Variants in TRMT44 observed in about 807,000 individuals in gnomAD.
TRMT44 encodes probable tRNA (uracil-O(2)-)-methyltransferase.
A neutral mutation model predicts 77.3 loss-of-function variants in TRMT44; 78 were observed. That is an observed-to-expected ratio of 1.01 (90% confidence interval 0.84 to 1.22). TRMT44 has a LOEUF of 1.22. Among genes scored for constraint, TRMT44 ranks in the 50% most tolerant of loss-of-function variants. The probability of loss-of-function intolerance (pLI) is 0.00; values close to 1 mark genes in which losing one functional copy is unlikely to be tolerated. For synonymous variants in TRMT44, 391 were observed against 383.3 expected, an observed-to-expected ratio of 1.02 and a Z score of -0.23; for missense variants, 1,090 against 964.4, an observed-to-expected ratio of 1.13 and a Z score of -1.73.
At position 8,467,901 on chromosome 4, in the gene TRMT44, T is replaced by TA. The variant is rs1239501276; in HGVS notation, c.1495-13_1495-12insA. 1.3e-6 allele frequency: 2 copies of TA among 1,580,178 alleles called. No individual in the cohort carries two copies. The highest frequency in any genetic ancestry group is 1.7e-6 in the Non-Finnish European group (2 of 1,159,890). ...GCCAGCTAAAATACTTGCTTTGCTT[T>TA]CTTCAAACGCAGGTCTGTCTCGTTG... On this transcript the variant is annotated splice_polypyrimidine_tract_variant and intron_variant, in intron 8 of 10. Transcript: ENST00000389737.
chr4:8,467,838 G>C, intron 8 of TRMT44, 76 bp from the exon 9 acceptor site: 2 of 1,433,492 alleles, frequency 1.4e-6, no homozygotes, highest in East Asian at 2.3e-5. Flanking sequence ...TTGTACTCCA[G>C]GATGAGAGAA....
At chr4:8,465,629 C>G in intron 8 of TRMT44, 68 bp downstream of exon 8, 3 of 1,345,890 alleles carry the variant, frequency 2.2e-6, no homozygotes, top group Non-Finnish European at 3.1e-6. Flanking sequence ...AGGGCTCTGC[C>G]ACAGAGCCAT....
At chr4:8,499,372 G>A in the TRMT44 span, among the ~76,000 whole-genome samples, 7 of 152,202 alleles carry the variant, frequency 4.6e-5, no homozygotes, top group Non-Finnish European at 8.8e-5. Flanking sequence ...CCAAACCGCA[G>A]CCTGCCTGGC....
chr4:8,457,991 T>C (rs1183973158), intron 6 of TRMT44, among the ~76,000 whole-genome samples: 1 of 152,182 alleles, frequency 6.6e-6, no homozygotes, highest in Non-Finnish European at 1.5e-5. Flanking sequence ...ACAGACGACC[T>C]GATGGAGATG....
chr4:8,475,113 C>T (rs904963876), intron 10 of TRMT44, among the ~76,000 whole-genome samples: 2 of 152,198 alleles, frequency 1.3e-5, no homozygotes, highest in African/African-American at 4.8e-5. Context: ...GGTTGGGAGG[C>T]GCATGTAAAC....
intron 10 of TRMT44, among the ~76,000 whole-genome samples, chr4:8,475,033 T>C (rs1579087379): frequency 6.6e-6 from 1 of 152,244 alleles, no homozygotes; most frequent in South Asian, 2.1e-4. Context: ...CATAGGCAGG[T>C]CCCCCTTCGT....
chr4:8,471,536 T>TG (rs1030992813), intron 10 of TRMT44, among the ~76,000 whole-genome samples: 18 of 152,216 alleles, frequency 1.2e-4, no homozygotes, highest in African/African-American at 4.1e-4. Context: ...CCCTGTTGGC[T>TG]GGGGGTCATT....
At chr4:8,487,545 G>C (rs950148187) in intron 2 of TRMT44, among the ~76,000 whole-genome samples, 1 of 151,580 alleles carries the variant, frequency 6.6e-6, no homozygotes, top group Non-Finnish European at 1.5e-5. Context: ...AAGAGGTCGG[G>C]CCATGGAAAT....
In TRMT44 at chr4:8,451,171, T is replaced by TCC. The variant is rs1452233676; in HGVS notation, c.955-786_955-785dup. On this transcript the variant is annotated intron_variant, in intron 3 of 10. Coordinates refer to ENST00000389737, the MANE Select transcript of TRMT44 (RefSeq NM_152544.3). The surrounding 1 kb of genome is among the most constrained non-coding windows in gnomAD (Gnocchi z 4.1). ...TCATTATTGCTGAAGCACCTGTGGG[T>TCC]CCCCGGGGTTGGCTGACTGAGGCTG... 1.3e-5 allele frequency among the ~76,000 whole-genome samples: 2 copies of TCC among 152,046 alleles called. No homozygotes were observed. Among genetic ancestry groups the TCC allele is most frequent in the Non-Finnish European group, 2.9e-5 (2 of 68,018 alleles).
At chr4:8,495,680 G>C (rs1254203099), downstream of TRMT44, among the ~76,000 whole-genome samples, 1 of 152,186 alleles carries the variant, frequency 6.6e-6, no homozygotes, top group African/African-American at 2.4e-5. Context: ...GGCAGCACCC[G>C]TGTCTCAGCG....
intron 10 of TRMT44, among the ~76,000 whole-genome samples, chr4:8,475,365 A>C (rs917717891): frequency 1.3e-5 from 2 of 152,192 alleles, no homozygotes; most frequent in Non-Finnish European, 2.9e-5. Flanking sequence ...TCTCAGCCAG[A>C]GGGAAGGTCG....
At chr4:8,464,147 C>A in intron 7 of TRMT44, 56 bp downstream of exon 7, 1 of 1,451,130 alleles carries the variant, frequency 6.9e-7, no homozygotes, top group Non-Finnish European at 9.6e-7. Context: ...ATCTTCTAAA[C>A]AGTGGTGTCC....
intron 2 of TRMT44, among the ~76,000 whole-genome samples, chr4:8,491,963 G>C (rs1216075583): frequency 6.6e-6 from 1 of 152,248 alleles, no homozygotes; most frequent in Non-Finnish European, 1.5e-5. Context: ...CCAGCACGCT[G>C]TCACCTCTCA....
At chr4:8,502,417 C>T in the TRMT44 span, among the ~76,000 whole-genome samples, 3 of 152,238 alleles carry the variant, frequency 2.0e-5, no homozygotes, top group African/African-American at 7.2e-5. Context: ...TTAGTGGTTT[C>T]AAGGACACAT....
At chr4:8,455,813 G>A (rs1725772546) in intron 6 of TRMT44, among the ~76,000 whole-genome samples, 1 of 152,108 alleles carries the variant, frequency 6.6e-6, no homozygotes, top group South Asian at 2.1e-4. Flanking sequence ...ACACGGGATT[G>A]AACTTTGTGG....
In TRMT44 at chr4:8,473,728, AGAG is replaced by A. The variant is rs1368850796; in HGVS notation, c.2045-2037_2045-2035del. The A allele has an allele frequency of 2.0e-5, 3 of 152,274 alleles. No homozygotes were observed. The East Asian group carries it at 5.8e-4, about 29-fold the overall frequency. 9.4% of individuals were successfully genotyped at this position (152,274 alleles called of 1,614,324 possible). A position where few individuals can be genotyped will look rare whatever the true frequency, so the allele number is the denominator to read the frequency against. ...ATTTCAAAATGAGGAGCACATTTCCAGAGGAGGAGAGTCTTTCTAGCTGTTGGT... is the reference window on the plus strand; with the variant it reads ...ATTTCAAAATGAGGAGCACATTTCCAGAGGAGAGTCTTTCTAGCTGTTGGT... On this transcript the variant is annotated intron_variant, in intron 10 of 10. Transcript: ENST00000389737.
chr4:8,462,663 C>T (rs1210501912), intron 6 of TRMT44, among the ~76,000 whole-genome samples: 2 of 152,178 alleles, frequency 1.3e-5, no homozygotes, highest in African/African-American at 4.8e-5. Flanking sequence ...CGAGATCGCG[C>T]CACTGCACTC....
At chr4:8,488,754 C>A (rs1727899174) in intron 2 of TRMT44, among the ~76,000 whole-genome samples, 1 of 152,196 alleles carries the variant, frequency 6.6e-6, no homozygotes, top group South Asian at 2.1e-4. Flanking sequence ...TAGATGCCAT[C>A]CTTCCACAGT....
intron 6 of TRMT44, among the ~76,000 whole-genome samples, chr4:8,462,973 T>G (rs1167059414): frequency 6.6e-6 from 1 of 152,242 alleles, no homozygotes; most frequent in Non-Finnish European, 1.5e-5. Context: ...TTCAGTATTT[T>G]AACATCTATG....
Sources: gnomAD v4.1 joint callset for allele counts (sites outside exome capture counted in the v4.1 genomes callset) on GRCh38, gnomAD v4.1.1 for gene constraint, Gnocchi (gnomAD v3.1) non-coding constraint, MANE v1.5 for transcripts, NCBI Gene and HGNC (gene_info 2026-07-23, HGNC 2026-07-21) for gene names.